Variants in ZNF226 observed in about 807,000 individuals in gnomAD.
The protein encoded by ZNF226 is zinc finger protein 226, also known as Kruppel-associated box protein.
In ZNF226, 6 loss-of-function variants were observed where a neutral mutation model predicts 11.4. The observed-to-expected ratio is 0.53, with a 90% CI of 0.29 to 1.04. ZNF226 has a LOEUF of 1.04. Among genes scored for constraint, ZNF226 ranks in the 50% least tolerant of loss-of-function variants. The probability of loss-of-function intolerance (pLI) is 0.08; values close to 1 mark genes in which losing one functional copy is unlikely to be tolerated. For synonymous variants in ZNF226, 350 were observed against 322.8 expected (o/e 1.08, Z -0.90); for missense variants, 1,058 against 956.5 (o/e 1.11, Z -1.40).
chr19:44,179,584 A>G (rs1246960255), downstream of ZNF226, among the ~76,000 whole-genome samples: 1 of 152,178 alleles, frequency 6.6e-6, no homozygotes. Flanking sequence ...TTAGGTACAA[A>G]TCTATGCAAT....
In ZNF226 at chr19:44,172,877, CAA is replaced by C. The variant is rs1324809806; in HGVS notation, c.161_162del (p.Gln54ArgfsTer9). 5.0e-6 allele frequency: 8 copies of C among 1,603,594 alleles called. No individual in the cohort carries two copies. Among genetic ancestry groups the C allele is most frequent in the Non-Finnish European group, 6.8e-6 (8 of 1,175,000 alleles). ...LLSVGHPPFK[Q>X]DVSPIERNEQ... is the part of the protein sequence containing the mutation. Reference sequence around the variant, plus strand: ...TTTCACAGGGCATCCACCCTTCAAACAAGATGTATCACCTATAGAAAGAAATG... The same window carrying C: ...TTTCACAGGGCATCCACCCTTCAAACGATGTATCACCTATAGAAAGAAATG... On this transcript the variant is annotated frameshift_variant, in exon 5 of 6. Coordinates refer to ENST00000337433, the MANE Select transcript of ZNF226 (RefSeq NM_001032373.2). LOFTEE classifies it high-confidence loss of function.
chr19:44,192,128 A>C, the ZNF226 span, among the ~76,000 whole-genome samples: 1 of 152,240 alleles, frequency 6.6e-6, no homozygotes, highest in Non-Finnish European at 1.5e-5. Flanking sequence ...TGTGGAATTT[A>C]TTGGTTAAAC....
Position 44,176,428 on chromosome 19 carries a change from A to G in ZNF226, c.1166A>G (p.Lys389Arg). The G allele has an allele frequency of 6.2e-7, 1 of 1,614,166 alleles. No homozygotes were observed. The highest frequency in any genetic ancestry group is 8.5e-7 in the Non-Finnish European group (1 of 1,180,018). The stretch of plus-strand genomic sequence containing the variant: ...CATCAGAGACTCCACACTGGGGAGA[A>G]GCCATTCAAATGTGATGCATGTGGT... The part of the protein sequence containing the change: ...QDHQRLHTGE[K>R]PFKCDACGKS... The change falls in exon 6 of 6, where the codon AAG (lysine) becomes AGG (arginine). Residue 389 changes from lysine (K) to arginine (R), a missense_variant. Coordinates refer to ENST00000337433, the MANE Select transcript of ZNF226 (RefSeq NM_001032373.2).
intron 1 of ZNF226, 75 bp downstream of exon 1, chr19:44,165,217 G>A (rs1430986640): frequency 6.6e-6 from 1 of 152,088 alleles, no homozygotes; most frequent in Non-Finnish European, 1.5e-5. Context: ...TTTGTTTGGG[G>A]AAAAAAAGGA....
the ZNF226 span, among the ~76,000 whole-genome samples, chr19:44,183,474 A>C: frequency 6.6e-6 from 1 of 152,238 alleles, no homozygotes; most frequent in African/African-American, 2.4e-5. Flanking sequence ...ATGTGCCAAA[A>C]AAAATGATAA....
chr19:44,175,090 G>T lies in ZNF226; in HGVS notation c.236-408G>T, dbSNP rs924763572. 8 of 1,602,482 alleles carry T rather than the reference G, an allele frequency of 5.0e-6. No homozygotes were observed. The African/African-American group carries it at 9.4e-5, about 19-fold the overall frequency. On this transcript the variant is annotated intron_variant, in intron 5 of 5. Transcript: ENST00000337433. ...AGTCATTTATATATGAAGAAATGTT[G>T]GAAGGACTCATATATGCATACATTC...
At chr19:44,172,034 C>T in intron 3 of ZNF226, 54 bp from the exon 4 acceptor site, 3 of 1,592,298 alleles carry the variant, frequency 1.9e-6, no homozygotes, top group Non-Finnish European at 2.6e-6. Context: ...TCAGTGTTAC[C>T]CATCTTCTAG....
At chr19:44,168,472 T>C (rs768411558) in intron 2 of ZNF226, among the ~76,000 whole-genome samples, 1 of 152,254 alleles carries the variant, frequency 6.6e-6, no homozygotes, top group Non-Finnish European at 1.5e-5. Flanking sequence ...TCCAGTCTAA[T>C]TGTATGCATT....
At chr19:44,178,462 G>A (rs1201950953), downstream of ZNF226, 1 of 152,136 alleles carries the variant, frequency 6.6e-6, no homozygotes, top group Non-Finnish European at 1.5e-5. Flanking sequence ...TGACATGATT[G>A]CCTTCTAAGG....
intron 2 of ZNF226, among the ~76,000 whole-genome samples, chr19:44,166,072 G>C (rs1969337356): frequency 6.6e-6 from 1 of 152,202 alleles, no homozygotes; most frequent in Admixed American, 6.5e-5. Context: ...TTGAAACCGA[G>C]GCAGTCTGAG....
downstream of ZNF226, among the ~76,000 whole-genome samples, chr19:44,181,504 GTTATATA>G (rs1459243275): frequency 1.3e-5 from 2 of 152,144 alleles, no homozygotes; most frequent in Non-Finnish European, 2.9e-5. Context: ...GGGAGAATTT[GTTATATA>G]TTATCAGGAT....
chr19:44,173,938 A>G (rs1336889515), intron 5 of ZNF226: 1 of 152,168 alleles, frequency 6.6e-6, no homozygotes, highest in Non-Finnish European at 1.5e-5. Flanking sequence ...AATGTTATCT[A>G]TTTGCTTCTG....
chr19:44,199,125 A>G, the ZNF226 span, among the ~76,000 whole-genome samples: 1,811 of 152,234 alleles, frequency 0.012, 31 homozygotes, highest in African/African-American at 0.04. Context: ...CTTAAGCTGT[A>G]TGGAAGTCTA....
At chr19:44,175,145 G>A (rs190670449) in intron 5 of ZNF226, 8 of 1,519,528 alleles carry the variant, frequency 5.3e-6, no homozygotes, top group African/African-American at 1.4e-5. Flanking sequence ...CTGCCGGGCA[G>A]TAACTTCTGG....
rs748440549 is a variant in ZNF226 at position 44,172,220 on chromosome 19, G to A, written c.142+6G>A. The A allele has an allele frequency of 3.7e-6, 6 of 1,609,706 alleles. No individual in the cohort carries two copies. The Admixed American group carries it at 8.4e-5, about 22-fold the overall frequency. ...TAGGAACCTGCTGTCAGTGGGTGAGGACAGCCTCCCTCTGGAATATCTTTG... is the reference window on the plus strand; with the variant it reads ...TAGGAACCTGCTGTCAGTGGGTGAGAACAGCCTCCCTCTGGAATATCTTTG... On this transcript the variant is annotated splice_donor_region_variant and intron_variant, in intron 4 of 5. Transcript: ENST00000337433.
chr19:44,179,375 AAATAT>A (rs980724725), downstream of ZNF226, among the ~76,000 whole-genome samples: 1 of 152,222 alleles, frequency 6.6e-6, no homozygotes, highest in African/African-American at 2.4e-5. Context: ...AACATAGTAA[AAATAT>A]AATTTAAAAA....
chr19:44,193,518 A>C, the ZNF226 span, among the ~76,000 whole-genome samples: 4 of 151,944 alleles, frequency 2.6e-5, no homozygotes, highest in African/African-American at 9.7e-5. Context: ...AGCTGTTTTT[A>C]TAGCATTTTA....
chr19:44,196,781 A>G, the ZNF226 span, among the ~76,000 whole-genome samples: 1 of 152,160 alleles, frequency 6.6e-6, no homozygotes, highest in East Asian at 1.9e-4. Context: ...ATTCCTGTTA[A>G]CAGTTCCATT....
chr19:44,169,806 T>C (rs1322712985), intron 2 of ZNF226, among the ~76,000 whole-genome samples: 1 of 152,192 alleles, frequency 6.6e-6, no homozygotes, highest in African/African-American at 2.4e-5. Flanking sequence ...ATTACTGGCG[T>C]GCAATTACAG....
Sources: gnomAD v4.1 joint callset for allele counts (sites outside exome capture counted in the v4.1 genomes callset) on GRCh38, gnomAD v4.1.1 for gene constraint, MANE v1.5 for transcripts, NCBI Gene and HGNC (gene_info 2026-07-23, HGNC 2026-07-21) for gene names.